APLP1: variants seen among roughly 807,000 people sequenced by gnomAD.
APLP1 encodes the protein amyloid beta precursor like protein 1, also known as amyloid beta (A4) precursor-like protein 1.
A neutral mutation model predicts 84.5 loss-of-function variants in APLP1; 46 were observed. The observed-to-expected ratio is 0.54, with a 90% confidence interval of 0.43 to 0.70. The LOEUF (loss-of-function observed/expected upper bound fraction) is 0.70, where lower values mean the gene tolerates loss of function less well. Ranked by LOEUF, APLP1 falls within the 30% of genes least tolerant of loss-of-function variation. The pLI is 0.00. For synonymous variants in APLP1, 376 were observed against 364.0 expected (o/e 1.03, Z -0.38); for missense variants, 826 against 900.2 (o/e 0.92, Z 1.05).
intron 4 of APLP1, 27 bp downstream of exon 4, chr19:35,871,376 A>G: frequency 6.7e-7 from 1 of 1,502,948 alleles, no homozygotes; most frequent in East Asian, 2.6e-5. Flanking sequence ...ACCCGTCCCC[A>G]GCCCCCACAA....
intron 13 of APLP1, 30 bp from the exon 14 acceptor site, chr19:35,878,554 A>G: frequency 6.2e-7 from 1 of 1,612,850 alleles, no homozygotes; most frequent in Non-Finnish European, 8.5e-7. Flanking sequence ...TAAAGAAAAA[A>G]AAAAAGAATG....
intron 16 of APLP1, 39 bp from the exon 17 acceptor site, chr19:35,879,304 C>T (rs1974361778): frequency 6.2e-7 from 1 of 1,611,846 alleles, no homozygotes; most frequent in Non-Finnish European, 8.5e-7. Flanking sequence ...AGTCCCGCCC[C>T]CGCACCACAC....
Position 35,874,714 on chromosome 19 carries a change from C to T in APLP1, c.1216-27C>T. ...AGAGGGTGAGAAGGGTCAGGGCGGG[C>T]TTGGGCATCCTGTGTCCCTTCCACA... On this transcript the variant is annotated intron_variant, in intron 9 of 16. Transcript: ENST00000221891. The surrounding 1 kb of genome is among the most constrained non-coding windows in gnomAD (Gnocchi z 6.4). 1 of 1,612,280 alleles carries T rather than the reference C, an allele frequency of 6.2e-7. No homozygotes were observed. Among genetic ancestry groups the T allele is most frequent in the South Asian group, 1.1e-5 (1 of 91,030 alleles).
intron 10 of APLP1, among the ~76,000 whole-genome samples, chr19:35,875,423 T>G (rs1974261504): frequency 6.6e-6 from 1 of 151,742 alleles, no homozygotes; most frequent in Non-Finnish European, 1.5e-5. Context: ...CCTACTGGGT[T>G]CAAGCTATTC....
intron 3 of APLP1, 87 bp downstream of exon 3, chr19:35,871,115 G>T (rs1974134144): frequency 1.2e-5 from 18 of 1,511,220 alleles, no homozygotes; most frequent in Non-Finnish European, 1.5e-5. Flanking sequence ...TACATTAAGG[G>T]GCTGGGTGCT....
At chr19:35,876,891 T>TTC (rs1449666545) in intron 11 of APLP1, among the ~76,000 whole-genome samples, 3 of 152,262 alleles carry the variant, frequency 2.0e-5, no homozygotes, top group East Asian at 3.9e-4. Flanking sequence ...AAATGGACCT[T>TTC]TCTCTCTCTC....
chr19:35,879,442 C>A lies in APLP1; in HGVS notation c.*1C>A, dbSNP rs138812813. The A allele has an allele frequency of 1.0e-3, 1,613 of 1,612,862 alleles. No homozygotes were observed. Among genetic ancestry groups the A allele is most frequent in the Non-Finnish European group, 1.3e-3 (1,552 of 1,179,866 alleles). On this transcript the variant is annotated 3_prime_UTR_variant, in exon 17 of 17. Coordinates refer to ENST00000221891, the MANE Select transcript of APLP1 (RefSeq NM_001024807.3). Reference sequence around the variant, plus strand: ...CCGCTTCCTGGAGGAACGACCCTGACCCGGCCCCCTTCACCCCTTCAGCCG... The same window carrying A: ...CCGCTTCCTGGAGGAACGACCCTGAACCGGCCCCCTTCACCCCTTCAGCCG...
At chr19:35,877,871 C>T (rs1188702274) in intron 12 of APLP1, 46 bp downstream of exon 12, 14 of 1,503,718 alleles carry the variant, frequency 9.3e-6, no homozygotes, top group African/African-American at 2.8e-5. Context: ...AGGGAACAGG[C>T]CCCAGCCTAA....
At position 35,870,815 on chromosome 19, in the gene APLP1, A is replaced by C. The variant is rs534186091; in HGVS notation, c.292-81A>C. 4.7e-6 allele frequency: 7 copies of C among 1,502,512 alleles called. No homozygotes were observed. The East Asian group carries it at 1.7e-4, about 36-fold the overall frequency. 93.1% of individuals were successfully genotyped at this position (1,502,512 alleles called of 1,614,324 possible). A position where few individuals can be genotyped will look rare whatever the true frequency, so the allele number is the denominator to read the frequency against. On this transcript the variant is annotated intron_variant, in intron 2 of 16. Coordinates refer to ENST00000221891, the MANE Select transcript of APLP1 (RefSeq NM_001024807.3). ...AAGAAAGAAAGAGGGAGAAAGAAAG[A>C]GAAAAGGGACCTGACTACTGGAGAG...
intron 2 of APLP1, chr19:35,870,218 C>A: frequency 9.0e-6 from 2 of 223,130 alleles, no homozygotes; most frequent in Admixed American, 5.5e-5. Context: ...TTTGGAGAGG[C>A]GGAATAGAGG....
At position 35,872,472 on chromosome 19, in the gene APLP1, TG is replaced by T. The variant is rs1568474933; in HGVS notation, c.851-9del. ...GGCTGCAGACTGACCTCCTGATCCCTGGTCTTGCAGTCACTCCCACCCCGAG... is the reference window on the plus strand; with the variant it reads ...GGCTGCAGACTGACCTCCTGATCCCTGTCTTGCAGTCACTCCCACCCCGAG... On this transcript the variant is annotated splice_polypyrimidine_tract_variant and intron_variant, in intron 6 of 16. Coordinates refer to ENST00000221891, the MANE Select transcript of APLP1 (RefSeq NM_001024807.3). 6.2e-7 allele frequency: 1 copy of T among 1,609,804 alleles called. No individual in the cohort carries two copies. The highest frequency in any genetic ancestry group is 1.1e-5 in the South Asian group (1 of 90,690).
rs1974325855 is a variant in APLP1, at chr19:35,878,123, G to A, written c.1579+15G>A. 1.9e-6 allele frequency: 3 copies of A among 1,611,210 alleles called. No individual in the cohort carries two copies. Among genetic ancestry groups the A allele is most frequent in the South Asian group, 1.1e-5 (1 of 90,706 alleles). ...CCTTCCAAAAGGTGAGTGTCTCACA[G>A]TTAACCCCAGCCTCCAAATCCCACT... On this transcript the variant is annotated intron_variant, in intron 13 of 16. Coordinates refer to ENST00000221891, the MANE Select transcript of APLP1 (RefSeq NM_001024807.3).
At position 35,869,901 on chromosome 19, in the gene APLP1, T is replaced by C. The variant is rs1411581780; in HGVS notation, c.291+91T>C. The C allele has an allele frequency of 4.5e-5, 67 of 1,482,012 alleles. No homozygotes were observed. The South Asian group carries it at 7.9e-4, about 17-fold the overall frequency. The allele number at this position is 1,482,012 out of a possible 1,614,324, so 91.8% of individuals were successfully genotyped here. On this transcript the variant is annotated intron_variant, in intron 2 of 16. Transcript: ENST00000221891. Reference sequence around the variant, plus strand: ...CCAGGGTGCTGCGCGATCTAAGGCGTGGAGGCTGGGGGGCGTGGCCAATAA... The same window carrying C: ...CCAGGGTGCTGCGCGATCTAAGGCGCGGAGGCTGGGGGGCGTGGCCAATAA...
intron 1 of APLP1, 161 bp from the exon 2 acceptor site, chr19:35,869,506 A>G (rs764550223): frequency 5.0e-6 from 5 of 1,007,916 alleles, no homozygotes; most frequent in South Asian, 1.4e-5. Flanking sequence ...CCCCCGCCCT[A>G]CGGGAGCTGT....
Position 35,874,050 on chromosome 19 carries a change from C to T in APLP1, c.1056+337C>T, listed in dbSNP as rs148080009. Among the ~76,000 whole-genome samples, 5 of 152,300 alleles carry T rather than the reference C, an allele frequency of 3.3e-5. No homozygotes were observed. In the East Asian group the frequency reaches 7.7e-4, roughly 24 times the overall value. ...ATGCATTTATGTCTCTATCAGGCCCCGCCCCCTGATTCTGGCTCTGCTGGG... is the reference window on the plus strand; with the variant it reads ...ATGCATTTATGTCTCTATCAGGCCCTGCCCCCTGATTCTGGCTCTGCTGGG... On this transcript the variant is annotated intron_variant, in intron 8 of 16. Coordinates refer to ENST00000221891, the MANE Select transcript of APLP1 (RefSeq NM_001024807.3). The surrounding 1 kb of genome is among the most constrained non-coding windows in gnomAD (Gnocchi z 6.4).
intron 4 of APLP1, 64 bp downstream of exon 4, chr19:35,871,413 T>G: frequency 7.4e-7 from 1 of 1,349,608 alleles, no homozygotes; most frequent in Non-Finnish European, 1.0e-6. Context: ...TCTAACACCC[T>G]CCGCCACCAG....
chr19:35,871,125 T>G, intron 3 of APLP1, 97 bp downstream of exon 3: 1 of 1,515,058 alleles, frequency 6.6e-7, no homozygotes. Flanking sequence ...GGCTGGGTGC[T>G]TGTGTCCTAA....
At position 35,874,316 on chromosome 19, in the gene APLP1, G is replaced by A. The variant is rs1568475995; in HGVS notation, c.1057-188G>A. On this transcript the variant is annotated intron_variant, in intron 8 of 16. Transcript: ENST00000221891. This position sits in a 1 kb window ranked among gnomAD's most constrained non-coding sequence, Gnocchi z 6.4. Reference sequence around the variant, plus strand: ...ACATCCTCACATTGGCTCCCAGTGGGCCTAGTCCCACCTCCACTCTGCCTG... The same window carrying A: ...ACATCCTCACATTGGCTCCCAGTGGACCTAGTCCCACCTCCACTCTGCCTG... Among the ~76,000 whole-genome samples, 1 of 152,212 alleles carries A rather than the reference G, an allele frequency of 6.6e-6. No homozygotes were observed. Among genetic ancestry groups the A allele is most frequent in the Non-Finnish European group, 1.5e-5 (1 of 68,012 alleles).
rs1974354775 is a variant in APLP1 at position 35,879,163 on chromosome 19, G to A, written c.1803G>A (p.Met601Ile). The A allele has an allele frequency of 2.5e-6, 4 of 1,612,940 alleles. No individual in the cohort carries two copies. Among genetic ancestry groups the A allele is most frequent in the Non-Finnish European group, 3.4e-6 (4 of 1,180,016 alleles). Reference sequence around the variant, plus strand: ...GAGGCTCCCTCATCGTCCTCTCCATGCTGCTCCTGCGCAGGAAGAAGCCCT... The same window carrying A: ...GAGGCTCCCTCATCGTCCTCTCCATACTGCTCCTGCGCAGGAAGAAGCCCT... ...AGGGSLIVLS[M>I]LLLRRKKPYG... The change falls in exon 16 of 17, where the codon ATG becomes ATA. Residue 601 changes from methionine (M) to isoleucine (I), a missense_variant. Met to Ile is a conservative substitution (Grantham distance 10). Around this residue, in one of 3 missense-constraint regions of APLP1, gnomAD observed 433 missense variants for 496.5 expected, o/e 0.87. Coordinates refer to ENST00000221891, the MANE Select transcript of APLP1 (RefSeq NM_001024807.3).
Sources: allele counts gnomAD v4.1 joint callset (sites outside exome capture counted in the v4.1 genomes callset), GRCh38; gene constraint gnomAD v4.1.1; regional missense constraint gnomAD v4.1.1; non-coding constraint Gnocchi (gnomAD v3.1); transcripts MANE v1.5; gene names NCBI Gene and HGNC (gene_info 2026-07-23, HGNC 2026-07-21).